The following MAGI2 variants were observed in gnomAD, a reference collection of about 807,000 sequenced individuals.
The protein encoded by MAGI2 is membrane-associated guanylate kinase, WW and PDZ domain-containing protein 2.
MAGI2 carries 35 observed loss-of-function variants against 133.3 expected under a neutral mutation model. The observed-to-expected ratio is 0.26, with a 90% confidence interval of 0.20 to 0.35. The LOEUF (loss-of-function observed/expected upper bound fraction) is 0.35. Ranked by LOEUF, MAGI2 falls within the 10% of genes least tolerant of loss-of-function variation. The pLI is 1.00. For synonymous variants in MAGI2, 729 were observed against 710.6 expected (o/e 1.03, Z -0.41); for missense variants, 1,636 against 1,863.4 (o/e 0.88, Z 2.25).
chr7:78,087,404 C>T (rs962361769), intron 20 of MAGI2, among the ~76,000 whole-genome samples: 2 of 152,104 alleles, frequency 1.3e-5, no homozygotes, highest in African/African-American at 2.4e-5. Flanking sequence ...ATGGGAAGTG[C>T]ATTGTAATCT....
chr7:78,906,833 C>T (rs914640341), intron 2 of MAGI2, among the ~76,000 whole-genome samples: 22 of 152,072 alleles, frequency 1.4e-4, no homozygotes, highest in African/African-American at 5.3e-4. Flanking sequence ...TGTATGCACA[C>T]ATATATGAAT....
At position 78,227,851 on chromosome 7, in the gene MAGI2, TGTGTG is replaced by T. The variant is rs1211631364; in HGVS notation, c.2048-26663_2048-26659del. On this transcript the variant is annotated intron_variant, in intron 10 of 21. Transcript: ENST00000354212. ...ATACCATACTGCCTTCTTACTCAGT[TGTGTG>T]TGTGTGTGTGTGTGTGTGTGTGTGT... Among the ~76,000 whole-genome samples, 4 of 3,402 alleles carry T rather than the reference TGTGTG, an allele frequency of 1.2e-3. No homozygotes were observed. The South Asian group carries it at 0.018, about 15-fold the overall frequency. The allele number at this position is 3,402 out of a possible 152,430, so 2.2% of individuals were successfully genotyped here. A position where few individuals can be genotyped will look rare whatever the true frequency, so the allele number is the denominator to read the frequency against.
intron 1 of MAGI2, among the ~76,000 whole-genome samples, chr7:79,175,302 T>C (rs1825995907): frequency 6.6e-6 from 1 of 151,938 alleles, no homozygotes; most frequent in Non-Finnish European, 1.5e-5. Flanking sequence ...TTATATTTCT[T>C]TATTTGTCCA....
intron 1 of MAGI2, among the ~76,000 whole-genome samples, chr7:79,166,284 G>A (rs1273502284): frequency 3.3e-5 from 5 of 152,118 alleles, no homozygotes; most frequent in Admixed American, 6.6e-5. Flanking sequence ...GTATGAGACC[G>A]ACTTGACCCA....
chr7:78,371,058 G>T (rs1209577381), intron 6 of MAGI2, among the ~76,000 whole-genome samples: 1 of 151,776 alleles, frequency 6.6e-6, no homozygotes, highest in African/African-American at 2.4e-5. Context: ...CTGTACTCTG[G>T]TTCCAGTAAA....
chr7:79,159,471 T>C (rs1029013602), intron 1 of MAGI2, among the ~76,000 whole-genome samples: 2 of 143,904 alleles, frequency 1.4e-5, no homozygotes, highest in African/African-American at 5.2e-5. Context: ...TGAGCTGAGA[T>C]CACATCACTG....
chr7:78,522,820 T>C (rs1008700990), intron 3 of MAGI2, among the ~76,000 whole-genome samples: 2 of 152,244 alleles, frequency 1.3e-5, no homozygotes, highest in African/African-American at 4.8e-5. Flanking sequence ...TTTCAGTTAA[T>C]TGAGTAATTT....
At chr7:78,966,322 C>G (rs1562727193) in intron 2 of MAGI2, among the ~76,000 whole-genome samples, 2 of 152,040 alleles carry the variant, frequency 1.3e-5, no homozygotes, top group Admixed American at 1.3e-4. Context: ...ACCTGTTGAA[C>G]AGCAACCCTC....
At chr7:78,701,469 G>A (rs1818066652) in intron 2 of MAGI2, among the ~76,000 whole-genome samples, 1 of 151,904 alleles carries the variant, frequency 6.6e-6, no homozygotes, top group African/African-American at 2.4e-5. Flanking sequence ...ATTTGATGAT[G>A]ATTTTCTTTC....
At chr7:79,389,884 G>T (rs948215935) in intron 1 of MAGI2, among the ~76,000 whole-genome samples, 1 of 152,028 alleles carries the variant, frequency 6.6e-6, no homozygotes, top group South Asian at 2.1e-4. Context: ...AGTTGACAAG[G>T]GACCTAGGGG....
At chr7:78,488,722 T>C (rs1793308207) in intron 6 of MAGI2, among the ~76,000 whole-genome samples, 1 of 152,058 alleles carries the variant, frequency 6.6e-6, no homozygotes, top group Non-Finnish European at 1.5e-5. Context: ...TTTATATATG[T>C]TCATATAAAT....
intron 1 of MAGI2, among the ~76,000 whole-genome samples, chr7:79,146,448 T>C (rs181444058): frequency 9.7e-4 from 148 of 152,314 alleles, no homozygotes; most frequent in Admixed American, 1.5e-3. Context: ...GGTCCAATCT[T>C]TGACAGATAT....
At chr7:79,446,208 C>G (rs2129202634) in intron 1 of MAGI2, among the ~76,000 whole-genome samples, 1 of 152,166 alleles carries the variant, frequency 6.6e-6, no homozygotes, top group East Asian at 1.9e-4. Context: ...GCAGATATAC[C>G]TAATGTTAAA....
intron 21 of MAGI2, among the ~76,000 whole-genome samples, chr7:78,041,962 A>G (rs1405856340): frequency 6.6e-6 from 1 of 152,190 alleles, no homozygotes; most frequent in Non-Finnish European, 1.5e-5. Flanking sequence ...TGATAGACAC[A>G]GGGGTCTGCC....
At chr7:78,817,087 T>C (rs920200812) in intron 2 of MAGI2, among the ~76,000 whole-genome samples, 2 of 152,172 alleles carry the variant, frequency 1.3e-5, no homozygotes, top group Non-Finnish European at 2.9e-5. Context: ...CCAACCGTCA[T>C]GGATGACTTT....
intron 1 of MAGI2, among the ~76,000 whole-genome samples, chr7:79,168,559 T>A (rs992792305): frequency 3.3e-5 from 5 of 152,100 alleles, no homozygotes; most frequent in African/African-American, 1.2e-4. Context: ...CATTTTGTTG[T>A]TATGTTCTTT....
At chr7:78,303,995 A>G (rs1798059246) in intron 9 of MAGI2, among the ~76,000 whole-genome samples, 3 of 152,138 alleles carry the variant, frequency 2.0e-5, no homozygotes, top group African/African-American at 7.2e-5. Context: ...GTCTTTCCCA[A>G]TTCAGTTGAT....
At chr7:78,896,100 A>T (rs2151582016) in intron 2 of MAGI2, among the ~76,000 whole-genome samples, 1 of 152,366 alleles carries the variant, frequency 6.6e-6, no homozygotes, top group African/African-American at 2.4e-5. Flanking sequence ...AATAAAATTT[A>T]CTTGTCAACC....
At chr7:78,659,556 G>T (rs1367236275) in intron 2 of MAGI2, among the ~76,000 whole-genome samples, 2 of 151,188 alleles carry the variant, frequency 1.3e-5, no homozygotes, top group Non-Finnish European at 2.9e-5. Flanking sequence ...CCTACTGTAT[G>T]ATTTCATTTA....
Sources: gnomAD v4.1 joint callset for allele counts (sites outside exome capture counted in the v4.1 genomes callset) on GRCh38, gnomAD v4.1.1 for gene constraint, MANE v1.5 for transcripts, NCBI Gene and HGNC (gene_info 2026-07-23, HGNC 2026-07-21) for gene names.